The following BBX variants were observed in gnomAD, a reference collection of about 807,000 sequenced individuals.
The protein encoded by BBX is HMG box transcription factor BBX.
A neutral mutation model predicts 100.2 loss-of-function variants in BBX; 30 were observed. The ratio of observed to expected loss-of-function variants is 0.30; its 90% CI spans 0.22 to 0.41. The LOEUF is 0.41. Among genes scored for constraint, BBX ranks in the 10% least tolerant of loss-of-function variants. The pLI is 1.00. For synonymous variants in BBX, 376 were observed against 388.1 expected, an observed-to-expected ratio of 0.97 and a Z score of 0.37; for missense variants, 1,023 against 1,129.8, an observed-to-expected ratio of 0.91 and a Z score of 1.35.
rs1036088116 is a variant in BBX, at chr3:107,726,050, T to C, written c.406-2715T>C. Among the ~76,000 whole-genome samples, 4 of 151,990 alleles carry C rather than the reference T, an allele frequency of 2.6e-5. No homozygotes were observed. In the East Asian group the frequency reaches 7.7e-4, roughly 29 times the overall value. ...ATATCTGGGGCCTGTCTCTTAGGCC[T>C]TTTCAGTCCTGTAATGAGGGATTTT... On this transcript the variant is annotated intron_variant, in intron 5 of 17. Transcript: ENST00000325805.
chr3:107,543,851 G>A (rs2049024888), intron 2 of BBX, among the ~76,000 whole-genome samples: 1 of 152,168 alleles, frequency 6.6e-6, no homozygotes, highest in Non-Finnish European at 1.5e-5. Flanking sequence ...AGTTTGTAAA[G>A]CCATAACAGA....
At chr3:107,717,008 T>A (rs577462530) in intron 5 of BBX, among the ~76,000 whole-genome samples, 159 bp downstream of exon 5, 1 of 152,296 alleles carries the variant, frequency 6.6e-6, no homozygotes, top group Admixed American at 6.5e-5. Flanking sequence ...GTATGACTTG[T>A]TCCTGTTCCT....
At chr3:107,526,452 T>A in intron 2 of BBX, 54 bp downstream of exon 2, 1 of 398,292 alleles carries the variant, frequency 2.5e-6, no homozygotes, top group Non-Finnish European at 4.4e-6. Flanking sequence ...AGTAATGACA[T>A]AAGGGTCTTT....
chr3:107,571,019 T>C (rs189666996), intron 2 of BBX, among the ~76,000 whole-genome samples: 27 of 152,242 alleles, frequency 1.8e-4, no homozygotes, highest in South Asian at 6.2e-4. Context: ...TGAGTTTGTA[T>C]TGGGGCCAAG....
intron 3 of BBX, among the ~76,000 whole-genome samples, chr3:107,656,509 A>G (rs1169461190): frequency 6.6e-6 from 1 of 152,132 alleles, no homozygotes; most frequent in Non-Finnish European, 1.5e-5. Flanking sequence ...CATGGATTTT[A>G]TAGACTTTAA....
intron 2 of BBX, among the ~76,000 whole-genome samples, chr3:107,639,290 T>A (rs1297199809): frequency 6.6e-6 from 1 of 152,132 alleles, no homozygotes; most frequent in Non-Finnish European, 1.5e-5. Context: ...GGTCTTAAGG[T>A]TTCTCCAGTG....
chr3:107,721,214 G>A (rs1294129354), intron 5 of BBX, among the ~76,000 whole-genome samples: 1 of 151,890 alleles, frequency 6.6e-6, no homozygotes, highest in Non-Finnish European at 1.5e-5. Flanking sequence ...ACTGTTTTTT[G>A]AAACCTTTAA....
chr3:107,685,103 C>T (rs2059774354), intron 3 of BBX, among the ~76,000 whole-genome samples: 1 of 152,064 alleles, frequency 6.6e-6, no homozygotes, highest in Non-Finnish European at 1.5e-5. Flanking sequence ...TATAGAGAAA[C>T]TAGAGAACAG....
intron 13 of BBX, among the ~76,000 whole-genome samples, chr3:107,779,410 G>A (rs2067642634): frequency 6.6e-6 from 1 of 152,024 alleles, no homozygotes; most frequent in African/African-American, 2.4e-5. Context: ...TGTACCTCTA[G>A]TTTTCCATAC....
chr3:107,639,317 C>T (rs1037411073), intron 2 of BBX, among the ~76,000 whole-genome samples: 1 of 152,182 alleles, frequency 6.6e-6, no homozygotes, highest in Non-Finnish European at 1.5e-5. Context: ...ATTTGCAGAA[C>T]CCCTTCCTGA....
chr3:107,726,781 A>C (rs1248122197), intron 5 of BBX, among the ~76,000 whole-genome samples: 2 of 152,076 alleles, frequency 1.3e-5, no homozygotes, highest in Non-Finnish European at 2.9e-5. Flanking sequence ...AAGCAATATG[A>C]AGACAGGGAC....
intron 2 of BBX, among the ~76,000 whole-genome samples, chr3:107,609,424 A>G (rs146212344): frequency 6.6e-6 from 1 of 152,176 alleles, no homozygotes; most frequent in Non-Finnish European, 1.5e-5. Context: ...AGTATTCCCC[A>G]TCTCCTCTAT....
intron 3 of BBX, among the ~76,000 whole-genome samples, chr3:107,678,977 C>T (rs535941370): frequency 6.6e-6 from 1 of 152,038 alleles, no homozygotes; most frequent in Non-Finnish European, 1.5e-5. Context: ...CAAGATTACA[C>T]AGTTTGCAGC....
intron 7 of BBX, 21 bp downstream of exon 7, chr3:107,733,044 C>G (rs370772925): frequency 6.2e-7 from 1 of 1,603,974 alleles, no homozygotes; most frequent in Non-Finnish European, 8.5e-7. Context: ...CCTTTTCCGT[C>G]TCCACTCTGC....
At chr3:107,658,735 T>C (rs997823008) in intron 3 of BBX, among the ~76,000 whole-genome samples, 1 of 152,174 alleles carries the variant, frequency 6.6e-6, no homozygotes. Context: ...TGTGTGTGTG[T>C]GTATTTTTCT....
At chr3:107,699,608 G>C (rs1200972814) in intron 3 of BBX, among the ~76,000 whole-genome samples, 1 of 151,958 alleles carries the variant, frequency 6.6e-6, no homozygotes, top group Non-Finnish European at 1.5e-5. Flanking sequence ...TAGACTCTTT[G>C]TAAGAGGTAG....
At position 107,755,745 on chromosome 3, in the gene BBX, G is replaced by A. The variant is rs373805154; in HGVS notation, c.906+67G>A. ...GGAAATTACAAAATATTCTAACAGT[G>A]TTTCCCTAAACTGTACCATCTCTCC... is the stretch of plus-strand genomic sequence containing the variant. On this transcript the variant is annotated intron_variant, in intron 10 of 17. Transcript: ENST00000325805. 1.4e-4 allele frequency: 194 copies of A among 1,339,576 alleles called. 3 individuals are homozygous for A. The South Asian group carries it at 2.3e-3, about 16-fold the overall frequency. The allele number at this position is 1,339,576 out of a possible 1,614,324, so 83.0% of individuals were successfully genotyped here.
intron 15 of BBX, among the ~76,000 whole-genome samples, chr3:107,798,317 G>T (rs2108006946): frequency 6.6e-6 from 1 of 152,312 alleles, no homozygotes; most frequent in East Asian, 1.9e-4. Flanking sequence ...TTAATTCACT[G>T]CATTTAATTT....
intron 2 of BBX, among the ~76,000 whole-genome samples, chr3:107,545,306 CATAAT>C (rs1353463361): frequency 6.6e-6 from 1 of 152,146 alleles, no homozygotes; most frequent in African/African-American, 2.4e-5. Flanking sequence ...CTAATTGTCA[CATAAT>C]ATAAGTGCAA....
Sources: gnomAD v4.1 joint callset for allele counts (sites outside exome capture counted in the v4.1 genomes callset) on GRCh38, gnomAD v4.1.1 for gene constraint, MANE v1.5 for transcripts, NCBI Gene and HGNC (gene_info 2026-07-23, HGNC 2026-07-21) for gene names.